SFMBT2: variants seen among roughly 807,000 people sequenced by gnomAD.
SFMBT2 encodes the protein Scm like with four mbt domains 2.
A neutral mutation model predicts 110.1 loss-of-function variants in SFMBT2; 38 were observed. The observed-to-expected ratio is 0.35, with a 90% CI of 0.27 to 0.45. The LOEUF (loss-of-function observed/expected upper bound fraction) is 0.45, where lower values mean the gene tolerates loss of function less well. SFMBT2 is among the 20% of genes least tolerant of loss of function. SFMBT2 has a pLI of 1.00. For synonymous variants in SFMBT2, 425 were observed against 425.4 expected (o/e 1.00, Z 0.01); for missense variants, 1,011 against 1,094.9 (o/e 0.92, Z 1.08).
At chr10:7,349,696 T>A (rs541728566) in intron 4 of SFMBT2, among the ~76,000 whole-genome samples, 71 of 151,960 alleles carry the variant, frequency 4.7e-4, no homozygotes, top group African/African-American at 1.7e-3. Context: ...TGACCTAGGG[T>A]GATCTGCCTG....
chr10:7,204,259 T>C (rs923552950), intron 12 of SFMBT2: 1 of 783,774 alleles, frequency 1.3e-6, no homozygotes, highest in South Asian at 5.8e-5. Context: ...TAATGCTAAC[T>C]AGAGGAGCCC....
At chr10:7,198,138 T>C (rs1838837360) in intron 14 of SFMBT2, 2 of 985,376 alleles carry the variant, frequency 2.0e-6, no homozygotes, top group South Asian at 4.7e-5. Context: ...ATATGATATA[T>C]TAAACATATT....
chr10:7,292,745 G>A (rs1267181906), intron 4 of SFMBT2, among the ~76,000 whole-genome samples: 3 of 152,136 alleles, frequency 2.0e-5, no homozygotes, highest in Admixed American at 6.5e-5. Context: ...GGTGGGGTGC[G>A]ATGGCTCATG....
intron 4 of SFMBT2, among the ~76,000 whole-genome samples, chr10:7,349,181 T>C (rs1844219480): frequency 6.6e-6 from 1 of 152,066 alleles, no homozygotes; most frequent in African/African-American, 2.4e-5. Context: ...AATGTGAAAA[T>C]GATCTAAAAC....
chr10:7,361,776 A>T (rs1332398833), intron 4 of SFMBT2, among the ~76,000 whole-genome samples: 1 of 152,168 alleles, frequency 6.6e-6, no homozygotes, highest in East Asian at 1.9e-4. Context: ...AGTAGAAAGC[A>T]CTCATAAATA....
chr10:7,176,306 T>C, intron 16 of SFMBT2, 141 bp from the exon 17 acceptor site: 1 of 1,052,750 alleles, frequency 9.5e-7, no homozygotes. Context: ...TTGCTTCTGT[T>C]ATTTCTCACA....
intron 4 of SFMBT2, among the ~76,000 whole-genome samples, chr10:7,362,276 G>C (rs954086662): frequency 1.3e-5 from 2 of 152,138 alleles, no homozygotes; most frequent in African/African-American, 4.8e-5. Context: ...TTTATTAATG[G>C]AGCTCTGCCT....
intron 11 of SFMBT2, among the ~76,000 whole-genome samples, chr10:7,209,841 A>G (rs1015947784): frequency 6.6e-6 from 1 of 152,196 alleles, no homozygotes; most frequent in Non-Finnish European, 1.5e-5. Context: ...TGAATGAGTT[A>G]CCTATTTTGC....
chr10:7,288,730 G>GA (rs938183072), intron 4 of SFMBT2, among the ~76,000 whole-genome samples: 14 of 151,984 alleles, frequency 9.2e-5, no homozygotes, highest in Admixed American at 7.2e-4. Flanking sequence ...CAAGTTCACG[G>GA]AAAAAAATTA....
At chr10:7,228,722 T>TC (rs1491211488) in intron 9 of SFMBT2, among the ~76,000 whole-genome samples, 6 of 123,838 alleles carry the variant, frequency 4.8e-5, no homozygotes, top group African/African-American at 1.8e-4. Flanking sequence ...TTTCTTTCTT[T>TC]CTTTCTTTCT....
chr10:7,201,179 T>C (rs1838941974), intron 13 of SFMBT2, among the ~76,000 whole-genome samples: 1 of 152,198 alleles, frequency 6.6e-6, no homozygotes, highest in Non-Finnish European at 1.5e-5. Flanking sequence ...ACAAGAGATC[T>C]TAGCAAGGCC....
chr10:7,176,194 G>A, intron 16 of SFMBT2, 29 bp from the exon 17 acceptor site: 2 of 1,609,810 alleles, frequency 1.2e-6, no homozygotes, highest in Non-Finnish European at 1.7e-6. Flanking sequence ...AGAAAAGCGA[G>A]GGCAAGACCA....
intron 10 of SFMBT2, among the ~76,000 whole-genome samples, chr10:7,226,897 C>T (rs1465748193): frequency 6.6e-6 from 1 of 152,168 alleles, no homozygotes; most frequent in Non-Finnish European, 1.5e-5. Flanking sequence ...ACCATCTAGG[C>T]CTGTGTAGGT....
intron 15 of SFMBT2, among the ~76,000 whole-genome samples, chr10:7,191,021 T>TGG (rs1395286751): frequency 1.7e-4 from 26 of 151,048 alleles, no homozygotes; most frequent in African/African-American, 6.1e-4. Context: ...TCTGCTGCCA[T>TGG]GTAAGACGTG....
At chr10:7,263,774 C>T (rs367977659) in intron 7 of SFMBT2, among the ~76,000 whole-genome samples, 1 of 152,162 alleles carries the variant, frequency 6.6e-6, no homozygotes, top group African/African-American at 2.4e-5. Flanking sequence ...AAAAAGAAAC[C>T]AGTCACCATA....
intron 16 of SFMBT2, among the ~76,000 whole-genome samples, chr10:7,186,028 G>A (rs2131567965): frequency 6.6e-6 from 1 of 152,174 alleles, no homozygotes; most frequent in South Asian, 2.1e-4. Flanking sequence ...CATGTTGAAG[G>A]TAATAATGAT....
chr10:7,352,896 A>T (rs893186167), intron 4 of SFMBT2, among the ~76,000 whole-genome samples: 2 of 152,166 alleles, frequency 1.3e-5, no homozygotes, highest in Admixed American at 1.3e-4. Context: ...CTGTAGTTCC[A>T]GCTACTCGGG....
intron 11 of SFMBT2, among the ~76,000 whole-genome samples, chr10:7,209,561 TTAA>T (rs2131621923): frequency 6.6e-6 from 1 of 152,382 alleles, no homozygotes; most frequent in African/African-American, 2.4e-5. Flanking sequence ...CAGACACCTC[TTAA>T]TATACTCAGA....
At chr10:7,175,224 G>A (rs1232276349) in intron 17 of SFMBT2, among the ~76,000 whole-genome samples, 1 of 152,248 alleles carries the variant, frequency 6.6e-6, no homozygotes, top group Non-Finnish European at 1.5e-5. Context: ...ACTCAGAACT[G>A]TGGGTCAGAG....
Sources: gnomAD v4.1 joint callset for allele counts (sites outside exome capture counted in the v4.1 genomes callset) on GRCh38, gnomAD v4.1.1 for gene constraint, MANE v1.5 for transcripts, NCBI Gene and HGNC (gene_info 2026-07-23, HGNC 2026-07-21) for gene names.